Variants in VARS1 observed in about 807,000 individuals in gnomAD.
VARS1 encodes valyl-tRNA synthetase 1.
Under a neutral mutation model 161.0 loss-of-function variants are expected in VARS1, and 92 were observed. The observed-to-expected ratio is 0.57, with a 90% CI of 0.48 to 0.68. The LOEUF (loss-of-function observed/expected upper bound fraction) is 0.68. VARS1 is among the 30% of genes least tolerant of loss of function. The pLI is 0.00. For missense variants in VARS1, 1,338 were observed against 1,695.9 expected, an observed-to-expected ratio of 0.79 and a Z score of 3.71; for synonymous variants, 595 against 682.5, an observed-to-expected ratio of 0.87 and a Z score of 2.00.
In VARS1 at chr6:31,792,446, T is replaced by C; in HGVS notation, c.732A>G (p.Leu244=). Residue 244 remains leucine (L), a synonymous_variant, in exon 5 of 30, where the codon CTA becomes CTG. Transcript: ENST00000375663. ...TCTTCTGCTTCTGTTGGAATTTCTC[T>C]AGCTTCTCCCGTTTCTTTGCCTCTT... The part of the protein sequence containing the change: ...LKKEAKKREK[L]EKFQQKQKIQ... 6.2e-7 allele frequency: 1 copy of C among 1,613,990 alleles called. No homozygotes were observed. Among genetic ancestry groups the C allele is most frequent in the African/African-American group, 1.3e-5 (1 of 74,960 alleles).
Position 31,782,517 on chromosome 6 carries a change from C to A in VARS1, c.1991+13G>T. ...CCCTCCATCTTCCTCCCGTCCCAGG[C>A]CCCCACCCTCACTTGCAAAGTGGCA... On this transcript the variant is annotated intron_variant, in intron 16 of 29. Coordinates refer to ENST00000375663, the MANE Select transcript of VARS1 (RefSeq NM_006295.3). This position sits in a 1 kb window ranked among gnomAD's most constrained non-coding sequence, Gnocchi z 8.3. The A allele has an allele frequency of 6.2e-7, 1 of 1,613,002 alleles. No individual in the cohort carries two copies. Among genetic ancestry groups the A allele is most frequent in the Non-Finnish European group, 8.5e-7 (1 of 1,180,016 alleles).
chr6:31,782,185 T>TGTCGGGGAGGAGAA lies in VARS1; in HGVS notation c.2151-22_2151-9dup. The TGTCGGGGAGGAGAA allele has an allele frequency of 3.1e-6, 5 of 1,613,420 alleles. No homozygotes were observed. Among genetic ancestry groups the TGTCGGGGAGGAGAA allele is most frequent in the Non-Finnish European group, 4.2e-6 (5 of 1,179,666 alleles). ...CTGGAAATGCACCACTCCCTGCAAA[T>TGTCGGGGAGGAGAA]GTCGGGGAGGAGAAATCAGGGAGGG... On this transcript the variant is annotated splice_polypyrimidine_tract_variant and intron_variant, in intron 17 of 29. Coordinates refer to ENST00000375663, the MANE Select transcript of VARS1 (RefSeq NM_006295.3). This position sits in a 1 kb window ranked among gnomAD's most constrained non-coding sequence, Gnocchi z 8.3.
rs758873284 is a variant in VARS1 at position 31,780,125 on chromosome 6, C to A, written c.2954G>T (p.Arg985Leu). 3 of 1,613,830 alleles carry A rather than the reference C, an allele frequency of 1.9e-6. No homozygotes were observed. Among genetic ancestry groups the A allele is most frequent in the Admixed American group, 1.7e-5 (1 of 60,004 alleles). ...QPGGHESLVD[R>L]WIRSRLTEAV... The stretch of plus-strand genomic sequence containing the variant: ...CTCTGTCAGGCGGCTGCGGATCCAG[C>A]GGTCCACCAGGCTCTCATGGCCTCC... The change falls in exon 26 of 30, where the codon CGC becomes CTC. Residue 985 changes from arginine to leucine, a missense_variant. Physicochemically the swap from Arg to Leu is moderately radical, Grantham distance 102. Coordinates refer to ENST00000375663, the MANE Select transcript of VARS1 (RefSeq NM_006295.3). This position sits in a 1 kb window ranked among gnomAD's most constrained non-coding sequence, Gnocchi z 5.1.
In VARS1 at chr6:31,791,577, G is replaced by C; in HGVS notation, c.1100+33C>G. 5 of 1,586,242 alleles carry C rather than the reference G, an allele frequency of 3.2e-6. No homozygotes were observed. The highest frequency in any genetic ancestry group is 4.3e-6 in the Non-Finnish European group (5 of 1,165,980). ...AAAGGAGAGAGCCAGACTAGGCAGAGGGAACCAGAGGAAGGTGCAGATAGA... is the reference window on the plus strand; with the variant it reads ...AAAGGAGAGAGCCAGACTAGGCAGACGGAACCAGAGGAAGGTGCAGATAGA... On this transcript the variant is annotated intron_variant, in intron 8 of 29. Transcript: ENST00000375663. The surrounding 1 kb of genome is among the most constrained non-coding windows in gnomAD (Gnocchi z 5.0).
Position 31,782,582 on chromosome 6 carries a change from G to A in VARS1, c.1939C>T (p.Arg647Trp), listed in dbSNP as rs758159125. 36 of 1,612,898 alleles carry A rather than the reference G, an allele frequency of 2.2e-5. No homozygotes were observed. Among genetic ancestry groups the A allele is most frequent in the South Asian group, 4.4e-5 (4 of 91,092 alleles). Reference sequence around the variant, plus strand: ...TCCTCAATGCCACGGAACAGTCCCCGCTCCTTCAGCGCCACCAGCACCGCT... The same window carrying A: ...TCCTCAATGCCACGGAACAGTCCCCACTCCTTCAGCGCCACCAGCACCGCT... ...RKAVLVALKE[R>W]GLFRGIEDNP... is the part of the protein sequence containing the mutation. The change falls in exon 16 of 30, where the codon CGG (arginine) becomes TGG (tryptophan). Residue 647 changes from arginine to tryptophan, a missense_variant. Coordinates refer to ENST00000375663, the MANE Select transcript of VARS1 (RefSeq NM_006295.3). The surrounding 1 kb of genome is among the most constrained non-coding windows in gnomAD (Gnocchi z 8.3).
At chr6:31,789,268 A>C (rs56291059) in intron 8 of VARS1, among the ~76,000 whole-genome samples, 1,633 of 152,312 alleles carry the variant, frequency 0.011, 23 homozygotes, top group African/African-American at 0.037. Context: ...AAAATTAAAA[A>C]GAAAAAGAAC....
In VARS1 at chr6:31,788,156, AAAACGCAAACAC is replaced by A. The variant is rs983093295; in HGVS notation, c.1101-2435_1101-2424del. On this transcript the variant is annotated intron_variant, in intron 8 of 29. Transcript: ENST00000375663. The stretch of plus-strand genomic sequence containing the variant: ...AAAAAATTGAAAAATTGAAAAAACA[AAAACGCAAACAC>A]AAACGCAAACAACTTGGCCATTGTA... Among the ~76,000 whole-genome samples, 69 of 152,150 alleles carry A rather than the reference AAAACGCAAACAC, an allele frequency of 4.5e-4. 1 individual carries two copies. The highest frequency in any genetic ancestry group is 1.4e-3 in the African/African-American group (59 of 41,514).
At position 31,791,703 on chromosome 6, in the gene VARS1, A is replaced by G; in HGVS notation, c.1007T>C (p.Val336Ala). The G allele has an allele frequency of 6.2e-7, 1 of 1,613,018 alleles. No individual in the cohort carries two copies. The highest frequency in any genetic ancestry group is 8.5e-7 in the Non-Finnish European group (1 of 1,180,014). The change falls in exon 8 of 30, where the codon GTC (valine) becomes GCC (alanine). Residue 336 changes from valine (V) to alanine (A), a missense_variant. Val to Ala is a moderately conservative substitution (Grantham distance 64). Transcript: ENST00000375663. This position sits in a 1 kb window ranked among gnomAD's most constrained non-coding sequence, Gnocchi z 5.0. ...GGGGGGTGGGATGCACATCATGAAG[A>G]CACCTCGGGGATTTGCTGCTGACAC... ...PNVSAANPRGVFMMCIPPPNV... is the reference protein window; with the variant it reads ...PNVSAANPRGAFMMCIPPPNV...
In VARS1 at chr6:31,780,981, C is replaced by A; in HGVS notation, c.2649+38G>T. ...GCAGTCAGGTGGCTGTGACCACAGC[C>A]CCACGGCCCTTCCTGGCTGGCCCAG... is the stretch of plus-strand genomic sequence containing the variant. On this transcript the variant is annotated intron_variant, in intron 22 of 29. Transcript: ENST00000375663. The surrounding 1 kb of genome is among the most constrained non-coding windows in gnomAD (Gnocchi z 5.1). 1 of 1,614,076 alleles carries A rather than the reference C, an allele frequency of 6.2e-7. No homozygotes were observed. The highest frequency in any genetic ancestry group is 8.5e-7 in the Non-Finnish European group (1 of 1,180,008).
intron 8 of VARS1, among the ~76,000 whole-genome samples, chr6:31,787,530 A>AGCT (rs1194163268): frequency 6.6e-6 from 1 of 152,180 alleles, no homozygotes; most frequent in African/African-American, 2.4e-5. Context: ...CTGTAGTCCC[A>AGCT]GCTACTCAGG....
In VARS1 at chr6:31,792,205, C is replaced by T; in HGVS notation, c.871+12G>A. ...GGCTGCTGAGGGGTGAGCCCCTTCC[C>T]ACTCCTAGTACCTTTCTTTTCCCCG... On this transcript the variant is annotated intron_variant, in intron 6 of 29. Transcript: ENST00000375663. The T allele has an allele frequency of 6.2e-7, 1 of 1,613,064 alleles. No individual in the cohort carries two copies. Among genetic ancestry groups the T allele is most frequent in the Non-Finnish European group, 8.5e-7 (1 of 1,179,840 alleles).
Position 31,784,546 on chromosome 6 carries a change from AG to A in VARS1, c.1468-45del. 1 of 1,613,608 alleles carries A rather than the reference AG, an allele frequency of 6.2e-7. No individual in the cohort carries two copies. The highest frequency in any genetic ancestry group is 8.5e-7 in the Non-Finnish European group (1 of 1,180,026). On this transcript the variant is annotated intron_variant, in intron 11 of 29. Transcript: ENST00000375663. This position sits in a 1 kb window ranked among gnomAD's most constrained non-coding sequence, Gnocchi z 6.1. ...GAGGCGTGGCCCAGGGGCCAGGGCC[AG>A]GGCCAGGGTAGATTGGAGATGGAGA...
At chr6:31,783,454 G>A (rs112884598) in intron 13 of VARS1, among the ~76,000 whole-genome samples, 119 of 152,178 alleles carry the variant, frequency 7.8e-4, no homozygotes, top group African/African-American at 2.8e-3. Context: ...AGGTTGCAGT[G>A]AGCCAAGATG....
chr6:31,792,699 G>C (rs1813961149), intron 4 of VARS1, 58 bp downstream of exon 4: 1 of 1,604,352 alleles, frequency 6.2e-7, no homozygotes, highest in East Asian at 2.2e-5. Context: ...AAAAGAAAGT[G>C]AGTTGCATGG....
At position 31,782,963 on chromosome 6, in the gene VARS1, A is replaced by G; in HGVS notation, c.1763-118T>C. 6.6e-7 allele frequency: 1 copy of G among 1,524,370 alleles called. No homozygotes were observed. The highest frequency in any genetic ancestry group is 8.8e-7 in the Non-Finnish European group (1 of 1,132,898). The allele number at this position is 1,524,370 out of a possible 1,614,324, so 94.4% of individuals were successfully genotyped here. A position where few individuals can be genotyped will look rare whatever the true frequency, so the allele number is the denominator to read the frequency against. On this transcript the variant is annotated intron_variant, in intron 14 of 29. Coordinates refer to ENST00000375663, the MANE Select transcript of VARS1 (RefSeq NM_006295.3). The surrounding 1 kb of genome is among the most constrained non-coding windows in gnomAD (Gnocchi z 8.3). ...CACTCCTGGCCCCCACTTGTCTAAT[A>G]CAGTCCCTTGAGAACCACCCCAAGC...
At position 31,784,628 on chromosome 6, in the gene VARS1, G is replaced by A. The variant is rs781445617; in HGVS notation, c.1434C>T (p.Ser478=). 37 of 1,613,192 alleles carry A rather than the reference G, an allele frequency of 2.3e-5. No individual in the cohort carries two copies. Among genetic ancestry groups the A allele is most frequent in the Non-Finnish European group, 3.1e-5 (36 of 1,180,040 alleles). The change falls in exon 11 of 30, where the codon TCC becomes TCT. Residue 478 remains serine, a synonymous_variant. Transcript: ENST00000375663. This position sits in a 1 kb window ranked among gnomAD's most constrained non-coding sequence, Gnocchi z 6.1. ...IYRSTRLVNW[S]CTLNSAISDI... ...CAGAGATGGCGGAGTTGAGGGTGCA[G>A]GACCAGTTAACAAGGCGGGTACTGC... is the stretch of plus-strand genomic sequence containing the variant.
At position 31,785,742 on chromosome 6, in the gene VARS1, G is replaced by A; in HGVS notation, c.1101-9C>T. On this transcript the variant is annotated splice_polypyrimidine_tract_variant and intron_variant, in intron 8 of 29. Coordinates refer to ENST00000375663, the MANE Select transcript of VARS1 (RefSeq NM_006295.3). This position sits in a 1 kb window ranked among gnomAD's most constrained non-coding sequence, Gnocchi z 6.1. Reference sequence around the variant, plus strand: ...CCCCACGCATGCGGTGCCTGTTAGGGGGCATGGAGGACCAGAGGGTGAGCC... The same window carrying A: ...CCCCACGCATGCGGTGCCTGTTAGGAGGCATGGAGGACCAGAGGGTGAGCC... 2 of 1,604,792 alleles carry A rather than the reference G, an allele frequency of 1.2e-6. No homozygotes were observed. Among genetic ancestry groups the A allele is most frequent in the South Asian group, 1.1e-5 (1 of 90,156 alleles).
In VARS1 at chr6:31,782,982, C is replaced by A; in HGVS notation, c.1762+114G>T. The A allele has an allele frequency of 6.5e-7, 1 of 1,528,474 alleles. No individual in the cohort carries two copies. The highest frequency in any genetic ancestry group is 1.2e-5 in the South Asian group (1 of 80,484). 94.7% of individuals were successfully genotyped at this position (1,528,474 alleles called of 1,614,324 possible). On this transcript the variant is annotated intron_variant, in intron 14 of 29. Transcript: ENST00000375663. This position sits in a 1 kb window ranked among gnomAD's most constrained non-coding sequence, Gnocchi z 8.3. Reference sequence around the variant, plus strand: ...TCTAATACAGTCCCTTGAGAACCACCCCAAGCTCTGTCTATTTGGCTGAAG... The same window carrying A: ...TCTAATACAGTCCCTTGAGAACCACACCAAGCTCTGTCTATTTGGCTGAAG...
Position 31,781,719 on chromosome 6 carries a change from G to GTT in VARS1, c.2389_2390insAA (p.Pro797GlnfsTer15). The GTT allele has an allele frequency of 6.2e-7, 1 of 1,613,050 alleles. No individual in the cohort carries two copies. Among genetic ancestry groups the GTT allele is most frequent in the Non-Finnish European group, 8.5e-7 (1 of 1,180,006 alleles). On this transcript the variant is annotated frameshift_variant, in exon 20 of 30. Coordinates refer to ENST00000375663, the MANE Select transcript of VARS1 (RefSeq NM_006295.3). LOFTEE classifies it high-confidence loss of function. The surrounding 1 kb of genome is among the most constrained non-coding windows in gnomAD (Gnocchi z 6.8). ...GTTGGGCCAGCCCAAAATGGATAAG[G>GTT]GGAAGAGGCCAGAGGAGAACCAGGT...
Sources: gnomAD v4.1 joint callset for allele counts (sites outside exome capture counted in the v4.1 genomes callset) on GRCh38, gnomAD v4.1.1 for gene constraint, Gnocchi (gnomAD v3.1) non-coding constraint, MANE v1.5 for transcripts, NCBI Gene and HGNC (gene_info 2026-07-23, HGNC 2026-07-21) for gene names.